GRM1: variants seen among roughly 807,000 people sequenced by gnomAD.
The protein encoded by GRM1 is glutamate metabotropic receptor 1, also known as metabotropic glutamate receptor 1.
In GRM1, 33 loss-of-function variants were observed where a neutral mutation model predicts 90.9. The observed-to-expected ratio is 0.36, with a 90% confidence interval of 0.28 to 0.49. GRM1 has a LOEUF of 0.49. Ranked by LOEUF, GRM1 falls within the 20% of genes least tolerant of loss-of-function variation. The pLI, the probability that GRM1 is intolerant of heterozygous loss-of-function variation, is 0.99. For missense variants in GRM1, 1,190 were observed against 1,534.3 expected, an observed-to-expected ratio of 0.78 and a Z score of 3.75; for synonymous variants, 700 against 613.2, an observed-to-expected ratio of 1.14 and a Z score of -2.09.
intron 1 of GRM1, among the ~76,000 whole-genome samples, chr6:146,044,568 G>A (rs1004832274): frequency 6.6e-6 from 1 of 151,972 alleles, no homozygotes; most frequent in African/African-American, 2.4e-5. Context: ...CTGTTAATAA[G>A]GTGGTGATTC....
chr6:146,369,694 T>G (rs1461261402), intron 5 of GRM1, among the ~76,000 whole-genome samples: 1 of 152,080 alleles, frequency 6.6e-6, no homozygotes, highest in Non-Finnish European at 1.5e-5. Context: ...TATGATATAA[T>G]TTTGATTTTT....
chr6:146,107,677 C>T (rs1046102306), intron 1 of GRM1, among the ~76,000 whole-genome samples: 7 of 152,164 alleles, frequency 4.6e-5, no homozygotes, highest in Non-Finnish European at 1.0e-4. Context: ...TAGATGTTTG[C>T]ACATTTGACA....
At chr6:146,178,217 G>A (rs1395403921) in intron 2 of GRM1, among the ~76,000 whole-genome samples, 1 of 152,114 alleles carries the variant, frequency 6.6e-6, no homozygotes, top group East Asian at 1.9e-4. Context: ...GACCTCAATA[G>A]TTTTGAGGAG....
intron 2 of GRM1, among the ~76,000 whole-genome samples, chr6:146,250,709 CA>C (rs1781238964): frequency 6.6e-6 from 1 of 152,178 alleles, no homozygotes; most frequent in Admixed American, 6.5e-5. Flanking sequence ...ACAGCTTGAC[CA>C]GCATCATATG....
rs1428479954 is a variant in GRM1, at chr6:146,194,821, G to A, written c.950+35224G>A. ...TTATCAATTGTTGGAGGGTGGGCAT[G>A]TTAGCATAAACCAATATAACATGGG... On this transcript the variant is annotated intron_variant, in intron 2 of 7. Coordinates refer to ENST00000282753, the MANE Select transcript of GRM1 (RefSeq NM_001278064.2). Among the ~76,000 whole-genome samples the A allele has an allele frequency of 7.2e-5, 11 of 152,290 alleles. 1 individual carries two copies. In the South Asian group the frequency reaches 2.1e-3, roughly 29 times the overall value.
chr6:146,069,909 TTAGA>T (rs148485549), intron 1 of GRM1, among the ~76,000 whole-genome samples: 1,791 of 152,276 alleles, frequency 0.012, 32 homozygotes, highest in African/African-American at 0.041. Flanking sequence ...AAATTGAGCA[TTAGA>T]TAGTTTCAGT....
intron 3 of GRM1, among the ~76,000 whole-genome samples, chr6:146,346,214 C>A (rs567506058): frequency 6.6e-6 from 1 of 152,324 alleles, no homozygotes; most frequent in African/African-American, 2.4e-5. Context: ...AAAGAGCCTG[C>A]TGTTTATGTG....
intron 7 of GRM1, among the ~76,000 whole-genome samples, chr6:146,414,062 T>C (rs1197309752): frequency 6.6e-6 from 1 of 152,220 alleles, no homozygotes; most frequent in African/African-American, 2.4e-5. Context: ...TGTGGTTATA[T>C]GCTTAGGAAT....
At chr6:146,223,632 T>C (rs1780144337) in intron 2 of GRM1, among the ~76,000 whole-genome samples, 1 of 152,118 alleles carries the variant, frequency 6.6e-6, no homozygotes. Flanking sequence ...TAAAATATAC[T>C]TGCATAAGAA....
Position 146,352,425 on chromosome 6 carries a change from C to T in GRM1, c.1362C>T (p.Leu454=). The change falls in exon 4 of 8, where the codon CTC becomes CTT. Residue 454 remains leucine (L), a synonymous_variant. Coordinates refer to ENST00000282753, the MANE Select transcript of GRM1 (RefSeq NM_001278064.2). ...ACGGCAGCAAGCTGCTGGACTTCCTCATCAAGTCCTCATTCATTGGAGTAT... is the reference window on the plus strand; with the variant it reads ...ACGGCAGCAAGCTGCTGGACTTCCTTATCAAGTCCTCATTCATTGGAGTAT... ...PIDGSKLLDF[L]IKSSFIGVSG... is the part of the protein sequence containing the mutation. 3 of 1,613,200 alleles carry T rather than the reference C, an allele frequency of 1.9e-6. No homozygotes were observed. Among genetic ancestry groups the T allele is most frequent in the Non-Finnish European group, 2.5e-6 (3 of 1,179,124 alleles).
intron 2 of GRM1, among the ~76,000 whole-genome samples, chr6:146,204,257 G>A (rs745902784): frequency 7.2e-5 from 11 of 152,324 alleles, no homozygotes; most frequent in East Asian, 5.8e-4. Flanking sequence ...TTAAAAATTC[G>A]TAATAAGACA....
At chr6:146,363,192 A>T (rs953020832) in intron 5 of GRM1, among the ~76,000 whole-genome samples, 3 of 152,308 alleles carry the variant, frequency 2.0e-5, no homozygotes, top group East Asian at 1.9e-4. Context: ...CTTTCACCAT[A>T]GGCCATTGAT....
intron 4 of GRM1, among the ~76,000 whole-genome samples, chr6:146,353,873 C>G (rs1785490436): frequency 6.6e-6 from 1 of 152,174 alleles, no homozygotes; most frequent in African/African-American, 2.4e-5. Context: ...CTCAAGTGAT[C>G]CACCCACCTT....
intron 1 of GRM1, among the ~76,000 whole-genome samples, chr6:146,118,548 C>T (rs1775853554): frequency 6.6e-6 from 1 of 152,152 alleles, no homozygotes; most frequent in African/African-American, 2.4e-5. Flanking sequence ...CCCATTAACT[C>T]GTCATTTACA....
At chr6:146,368,535 G>C (rs1008395756) in intron 5 of GRM1, among the ~76,000 whole-genome samples, 4 of 151,912 alleles carry the variant, frequency 2.6e-5, no homozygotes, top group African/African-American at 9.7e-5. Flanking sequence ...TTATTATGTT[G>C]ACAGACATTT....
chr6:146,214,514 A>G (rs906086973), intron 2 of GRM1, among the ~76,000 whole-genome samples: 1 of 152,178 alleles, frequency 6.6e-6, no homozygotes, highest in Non-Finnish European at 1.5e-5. Flanking sequence ...TAAACCGCAA[A>G]AAGTAAAATC....
chr6:146,060,525 C>G (rs373673484), intron 1 of GRM1, among the ~76,000 whole-genome samples: 1 of 152,088 alleles, frequency 6.6e-6, no homozygotes, highest in African/African-American at 2.4e-5. Context: ...CCTACATTAG[C>G]TCACTTAAGA....
At position 146,435,013 on chromosome 6, in the gene GRM1, T is replaced by G. The variant is rs191111944; in HGVS notation, c.*217T>G. The G allele has an allele frequency of 1.5e-5, 9 of 615,224 alleles. No individual in the cohort carries two copies. The highest frequency in any genetic ancestry group is 2.3e-5 in the Non-Finnish European group (8 of 345,036). 38.1% of individuals were successfully genotyped at this position (615,224 alleles called of 1,614,324 possible). ...TGTTCCAGGCCAGGATTCGGATTCT[T>G]GAATTACTCGAAGCCTTCTCTGGGA... is the stretch of plus-strand genomic sequence containing the variant. On this transcript the variant is annotated 3_prime_UTR_variant, in exon 8 of 8. Coordinates refer to ENST00000282753, the MANE Select transcript of GRM1 (RefSeq NM_001278064.2).
intron 1 of GRM1, among the ~76,000 whole-genome samples, chr6:146,050,312 C>T (rs1365153987): frequency 6.6e-6 from 1 of 151,970 alleles, no homozygotes; most frequent in Non-Finnish European, 1.5e-5. Flanking sequence ...AAATGTGTGT[C>T]TCTCTAGAAA....
Sources: gnomAD v4.1 joint callset for allele counts (sites outside exome capture counted in the v4.1 genomes callset) on GRCh38, gnomAD v4.1.1 for gene constraint, MANE v1.5 for transcripts, NCBI Gene and HGNC (gene_info 2026-07-23, HGNC 2026-07-21) for gene names.